Variants in RAD23B observed in about 807,000 individuals in gnomAD.
RAD23B encodes the protein lysine-specific demethylase RAD23B.
Under a neutral mutation model 49.1 loss-of-function variants are expected in RAD23B, and 5 were observed. The ratio of observed to expected loss-of-function variants is 0.10; its 90% CI spans 0.05 to 0.21. The LOEUF (loss-of-function observed/expected upper bound fraction) is 0.21, where lower values mean the gene tolerates loss of function less well. Ranked by LOEUF, RAD23B falls within the 10% of genes least tolerant of loss-of-function variation. The probability of loss-of-function intolerance (pLI) is 1.00; values close to 1 mark genes in which losing one functional copy is unlikely to be tolerated. For synonymous variants in RAD23B, 184 were observed against 165.4 expected, an observed-to-expected ratio of 1.11 and a Z score of -0.86; for missense variants, 356 against 486.7, an observed-to-expected ratio of 0.73 and a Z score of 2.53.
chr9:107,319,659 A>T (rs1382681465), intron 6 of RAD23B, among the ~76,000 whole-genome samples: 1 of 152,194 alleles, frequency 6.6e-6, no homozygotes, highest in East Asian at 1.9e-4. Flanking sequence ...ACGTAACATC[A>T]TGCATTTAAT....
At chr9:107,309,200 CT>C (rs1826841530) in intron 4 of RAD23B, among the ~76,000 whole-genome samples, 1 of 152,146 alleles carries the variant, frequency 6.6e-6, no homozygotes. Context: ...CACCCTGGAC[CT>C]GTAAATCAGA....
At chr9:107,323,812 C>T in intron 7 of RAD23B, 78 bp from the exon 8 acceptor site, 1 of 1,278,178 alleles carries the variant, frequency 7.8e-7, no homozygotes, top group Non-Finnish European at 1.1e-6. Context: ...ATAGTGTTTG[C>T]TGTCTAAATG....
intron 1 of RAD23B, among the ~76,000 whole-genome samples, chr9:107,295,450 G>T (rs889494415): frequency 2.0e-5 from 3 of 152,174 alleles, no homozygotes; most frequent in Non-Finnish European, 2.9e-5. Flanking sequence ...AGGTTTGAAA[G>T]AAAGGGATAC....
At chr9:107,325,509 A>C (rs555561104) in intron 9 of RAD23B, among the ~76,000 whole-genome samples, 1 of 152,244 alleles carries the variant, frequency 6.6e-6, no homozygotes, top group Middle Eastern at 3.4e-3. Context: ...ATGCTGTTAT[A>C]AATGGATTTT....
intron 1 of RAD23B, among the ~76,000 whole-genome samples, chr9:107,296,382 A>G (rs1446515379): frequency 6.6e-6 from 1 of 152,208 alleles, no homozygotes. Context: ...AGAATTATTC[A>G]AAACAATCTT....
intron 1 of RAD23B, among the ~76,000 whole-genome samples, chr9:107,287,532 T>C (rs1367776447): frequency 6.6e-6 from 1 of 152,206 alleles, no homozygotes; most frequent in African/African-American, 2.4e-5. Context: ...AAGAATTACC[T>C]AATTTCGTGG....
At chr9:107,313,694 G>A (rs991700451) in intron 5 of RAD23B, among the ~76,000 whole-genome samples, 19 of 152,094 alleles carry the variant, frequency 1.2e-4, no homozygotes, top group African/African-American at 4.1e-4. Flanking sequence ...TCCCAAACTC[G>A]TATCTTCACA....
At chr9:107,306,837 C>G in intron 4 of RAD23B, among the ~76,000 whole-genome samples, 190 bp downstream of exon 4, 1 of 151,872 alleles carries the variant, frequency 6.6e-6, no homozygotes, top group East Asian at 1.9e-4. Context: ...TACAAATTTT[C>G]ATAATCAGAT....
intron 1 of RAD23B, among the ~76,000 whole-genome samples, chr9:107,298,350 G>A (rs1376991925): frequency 6.6e-6 from 1 of 151,828 alleles, no homozygotes; most frequent in African/African-American, 2.4e-5. Context: ...TTCTCACTCT[G>A]TCACCCAGGC....
intron 9 of RAD23B, among the ~76,000 whole-genome samples, chr9:107,325,312 T>TC (rs1296290619): frequency 5.1e-5 from 2 of 39,346 alleles, no homozygotes; most frequent in Non-Finnish European, 8.1e-5. Flanking sequence ...AGACTCTGTC[T>TC]CAAAAAAAAA....
intron 1 of RAD23B, among the ~76,000 whole-genome samples, chr9:107,294,502 T>G (rs139142158): frequency 6.6e-6 from 1 of 152,360 alleles, no homozygotes; most frequent in African/African-American, 2.4e-5. Flanking sequence ...TAATTGCATC[T>G]GTTGGTGGGC....
At chr9:107,326,002 C>T (rs1283280263) in intron 9 of RAD23B, among the ~76,000 whole-genome samples, 1 of 151,846 alleles carries the variant, frequency 6.6e-6, no homozygotes, top group Non-Finnish European at 1.5e-5. Context: ...GATTTTTGTC[C>T]TTTAGTATGC....
chr9:107,301,460 A>G (rs918776155), intron 2 of RAD23B, among the ~76,000 whole-genome samples: 1 of 152,138 alleles, frequency 6.6e-6, no homozygotes, highest in African/African-American at 2.4e-5. Context: ...CTTTTATATA[A>G]TCAATACATT....
intron 5 of RAD23B, among the ~76,000 whole-genome samples, chr9:107,312,223 C>G (rs1826902006): frequency 6.6e-6 from 1 of 152,210 alleles, no homozygotes; most frequent in Admixed American, 6.5e-5. Context: ...TGAATAATGC[C>G]TTTCCATCTC....
Position 107,306,547 on chromosome 9 carries a change from G to C in RAD23B, c.397G>C (p.Ala133Pro). ...PASITPASAT[A>P]SSEPAPASAA... ...ATCCATCACTCCAGCATCAGCGACA[G>C]CATCTTCTGAACCTGCACCTGCTAG... Residue 133 changes from alanine to proline, a missense_variant, in exon 4 of 10, where the codon GCA becomes CCA. By Grantham distance (27) the Ala-to-Pro change is conservative. Around this residue, in one of 5 missense-constraint regions of RAD23B, gnomAD observed 137 missense variants for 122.0 expected, o/e 1.12. Transcript: ENST00000358015. The C allele has an allele frequency of 6.2e-7, 1 of 1,614,060 alleles. No individual in the cohort carries two copies. Among genetic ancestry groups the C allele is most frequent in the Non-Finnish European group, 8.5e-7 (1 of 1,180,000 alleles).
Position 107,286,845 on chromosome 9 carries a change from G to A in RAD23B, c.66+3150G>A, listed in dbSNP as rs569452531. On this transcript the variant is annotated intron_variant, in intron 1 of 9. Coordinates refer to ENST00000358015, the MANE Select transcript of RAD23B (RefSeq NM_002874.5). ...CCCAGCACTTTGGGAGGCCGAGGTG[G>A]GCGGATCACAAGGTCAGGAGATCGA... is the stretch of plus-strand genomic sequence containing the variant. Among the ~76,000 whole-genome samples the A allele has an allele frequency of 7.9e-5, 12 of 152,198 alleles. 1 individual carries two copies. The South Asian group carries it at 2.1e-3, about 26-fold the overall frequency.
intron 1 of RAD23B, among the ~76,000 whole-genome samples, chr9:107,289,596 G>A (rs941185478): frequency 6.6e-6 from 1 of 152,148 alleles, no homozygotes; most frequent in Non-Finnish European, 1.5e-5. Context: ...TTAAGTAATT[G>A]CAGCTTGAAC....
Position 107,311,742 on chromosome 9 carries a change from G to GT in RAD23B, c.553+6dup. The GT allele has an allele frequency of 6.4e-7, 1 of 1,567,258 alleles. No homozygotes were observed. Among genetic ancestry groups the GT allele is most frequent in the Non-Finnish European group, 8.6e-7 (1 of 1,163,930 alleles). ...AAGATGCAACGAGTGCACTTGGTAA[G>GT]TATCTGCTTTTCCTTATAAATAACC... is the stretch of plus-strand genomic sequence containing the variant. On this transcript the variant is annotated splice_donor_region_variant and intron_variant, in intron 5 of 9. Transcript: ENST00000358015.
chr9:107,316,157 G>C (rs533591956), intron 5 of RAD23B, among the ~76,000 whole-genome samples: 1 of 151,692 alleles, frequency 6.6e-6, no homozygotes, highest in African/African-American at 2.4e-5. Context: ...CTACAGGCAC[G>C]TGCCACCATG....
Sources: allele counts gnomAD v4.1 joint callset (sites outside exome capture counted in the v4.1 genomes callset), GRCh38; gene constraint gnomAD v4.1.1; regional missense constraint gnomAD v4.1.1; transcripts MANE v1.5; gene names NCBI Gene and HGNC (gene_info 2026-07-23, HGNC 2026-07-21).